CPEB4: variants seen among roughly 807,000 people sequenced by gnomAD.
The protein encoded by CPEB4 is cytoplasmic polyadenylation element-binding protein 4.
CPEB4 carries 12 observed loss-of-function variants against 72.5 expected under a neutral mutation model. The observed-to-expected ratio is 0.17, with a 90% CI of 0.11 to 0.27. The LOEUF (loss-of-function observed/expected upper bound fraction) is 0.27. Among genes scored for constraint, CPEB4 ranks in the 10% least tolerant of loss-of-function variants. The pLI is 1.00. For synonymous variants in CPEB4, 302 were observed against 326.3 expected, an observed-to-expected ratio of 0.93 and a Z score of 0.80; for missense variants, 614 against 908.5, an observed-to-expected ratio of 0.68 and a Z score of 4.17.
chr5:173,929,721 T>C (rs1757373013), intron 2 of CPEB4, among the ~76,000 whole-genome samples: 1 of 152,000 alleles, frequency 6.6e-6, no homozygotes, highest in Non-Finnish European at 1.5e-5. Context: ...ATAATAATAA[T>C]AGTCCTTCCT....
chr5:173,894,665 T>C (rs2113123521), intron 1 of CPEB4, among the ~76,000 whole-genome samples: 1 of 151,468 alleles, frequency 6.6e-6, no homozygotes, highest in East Asian at 1.9e-4. Context: ...GTGTTCTAAA[T>C]GTTTTACATG....
At chr5:173,937,991 A>G (rs1757689393) in intron 3 of CPEB4, among the ~76,000 whole-genome samples, 1 of 152,232 alleles carries the variant, frequency 6.6e-6, no homozygotes, top group African/African-American at 2.4e-5. Flanking sequence ...TTAATTTATA[A>G]AATCATTTAA....
chr5:173,951,468 T>C (rs1243360684), intron 7 of CPEB4, among the ~76,000 whole-genome samples: 2 of 152,218 alleles, frequency 1.3e-5, no homozygotes, highest in Non-Finnish European at 2.9e-5. Flanking sequence ...TGTATATTGA[T>C]TGGCATTGGA....
chr5:173,895,890 C>G (rs959294117), intron 1 of CPEB4, among the ~76,000 whole-genome samples: 5 of 152,192 alleles, frequency 3.3e-5, no homozygotes, highest in Admixed American at 3.3e-4. Flanking sequence ...ATGATCAGCA[C>G]ATTGTTCCAA....
chr5:173,944,081 T>TA (rs1219108375), intron 4 of CPEB4, among the ~76,000 whole-genome samples: 1 of 152,220 alleles, frequency 6.6e-6, no homozygotes, highest in Non-Finnish European at 1.5e-5. Context: ...TTCCTGCATA[T>TA]ATATTCTGGA....
intron 1 of CPEB4, among the ~76,000 whole-genome samples, chr5:173,891,078 G>T (rs1332930580): frequency 1.3e-5 from 2 of 150,908 alleles, no homozygotes; most frequent in Non-Finnish European, 3.0e-5. Flanking sequence ...TCTTGTCATA[G>T]ATAATTATGA....
chr5:173,901,853 C>T (rs1756246651), intron 1 of CPEB4, among the ~76,000 whole-genome samples: 1 of 152,174 alleles, frequency 6.6e-6, no homozygotes, highest in South Asian at 2.1e-4. Context: ...CGGCATGCTA[C>T]AAGCTGTGGA....
At position 173,917,158 on chromosome 5, in the gene CPEB4, A is replaced by G. The variant is rs139439398; in HGVS notation, c.1207+6554A>G. Among the ~76,000 whole-genome samples, 1,002 of 152,322 alleles carry G rather than the reference A, an allele frequency of 6.6e-3. 5 individuals are homozygous for G. The highest frequency in any genetic ancestry group is 0.01 in the Non-Finnish European group (709 of 68,026). Reference sequence around the variant, plus strand: ...CACTTATTTATTTCATATGTTATAAATTTGAAGTAATTTGGGAATAAATAA... The same window carrying G: ...CACTTATTTATTTCATATGTTATAAGTTTGAAGTAATTTGGGAATAAATAA... On this transcript the variant is annotated intron_variant, in intron 2 of 9. Transcript: ENST00000265085.
At position 173,890,224 on chromosome 5, in the gene CPEB4, C is replaced by G. The variant is rs1359421493; in HGVS notation, c.491C>G (p.Ser164Cys). The change falls in exon 1 of 10, where the codon TCT becomes TGT. Residue 164 changes from serine (S) to cysteine (C), a missense_variant. By Grantham distance (112) the Ser-to-Cys change is moderately radical. Coordinates refer to ENST00000265085, the MANE Select transcript of CPEB4 (RefSeq NM_030627.4). The stretch of plus-strand genomic sequence containing the variant: ...CAACCCTTGACATCTAGCGCATCGT[C>G]TCTTACTGGTTTCAGTAACTGGTCA... The part of the protein sequence containing the change: ...STQPLTSSAS[S>C]LTGFSNWSAA... The G allele has an allele frequency of 6.2e-7, 1 of 1,614,026 alleles. No homozygotes were observed. Among genetic ancestry groups the G allele is most frequent in the Non-Finnish European group, 8.5e-7 (1 of 1,180,014 alleles).
In CPEB4 at chr5:173,890,094, G is replaced by C; in HGVS notation, c.361G>C (p.Asp121His). Residue 121 changes from aspartate to histidine, a missense_variant, in exon 1 of 10, where the codon GAC becomes CAC. By Grantham distance (81) the Asp-to-His change is moderately conservative (BLOSUM62 -1). Coordinates refer to ENST00000265085, the MANE Select transcript of CPEB4 (RefSeq NM_030627.4). ...EKAKSEENQG[D>H]NSSENGNGKE... ...GGCAAAATCAGAAGAAAATCAAGGG[G>C]ACAATTCTTCGGAAAATGGCAATGG... is the stretch of plus-strand genomic sequence containing the variant. 6.2e-7 allele frequency: 1 copy of C among 1,614,122 alleles called. No individual in the cohort carries two copies. Among genetic ancestry groups the C allele is most frequent in the South Asian group, 1.1e-5 (1 of 91,076 alleles).
At chr5:173,940,410 T>C (rs547070919) in intron 3 of CPEB4, among the ~76,000 whole-genome samples, 1 of 152,232 alleles carries the variant, frequency 6.6e-6, no homozygotes, top group Non-Finnish European at 1.5e-5. Flanking sequence ...AGTCATGAGA[T>C]TGGAAATCTG....
intron 2 of CPEB4, among the ~76,000 whole-genome samples, chr5:173,915,740 G>T (rs1381521247): frequency 6.6e-6 from 1 of 152,158 alleles, no homozygotes; most frequent in African/African-American, 2.4e-5. Flanking sequence ...GTATCTTATT[G>T]TTATGCATGT....
At chr5:173,938,538 T>G (rs941173419) in intron 3 of CPEB4, among the ~76,000 whole-genome samples, 2 of 152,214 alleles carry the variant, frequency 1.3e-5, no homozygotes, top group African/African-American at 2.4e-5. Flanking sequence ...AAGAAGCCAG[T>G]TATCTGATAA....
At chr5:173,904,775 G>C (rs1219802599) in intron 1 of CPEB4, among the ~76,000 whole-genome samples, 4 of 151,932 alleles carry the variant, frequency 2.6e-5, no homozygotes, top group African/African-American at 4.8e-5. Context: ...GTAGTAAATT[G>C]TGTAAGTTTT....
At position 173,959,058 on chromosome 5, in the gene CPEB4, A is replaced by G. The variant is rs1758465139; in HGVS notation, c.*2921A>G. On this transcript the variant is annotated 3_prime_UTR_variant, in exon 10 of 10. Transcript: ENST00000265085. Reference sequence around the variant, plus strand: ...ATGATTATCTATTACTCTGAACTTTATGATTACATGTTCTTCAGATTACAT... The same window carrying G: ...ATGATTATCTATTACTCTGAACTTTGTGATTACATGTTCTTCAGATTACAT... 1 of 152,780 alleles carries G rather than the reference A, an allele frequency of 6.5e-6. No individual in the cohort carries two copies. Among genetic ancestry groups the G allele is most frequent in the African/African-American group, 2.4e-5 (1 of 41,460 alleles). The allele number at this position is 152,780 out of a possible 1,614,324, so 9.5% of individuals were successfully genotyped here. A position where few individuals can be genotyped will look rare whatever the true frequency, so the allele number is the denominator to read the frequency against.
At chr5:173,923,351 AAGT>A (rs1468471941) in intron 2 of CPEB4, among the ~76,000 whole-genome samples, 18 of 152,310 alleles carry the variant, frequency 1.2e-4, no homozygotes, top group African/African-American at 4.1e-4. Flanking sequence ...AGTCAGAGAA[AAGT>A]CTAATTAGAT....
In CPEB4 at chr5:173,889,587, G is replaced by T; in HGVS notation, c.-147G>T. ...GAATTCCAAATCAGAACAATTTAAG[G>T]TGATAAGCTGCGATCTTTGAGCTAG... On this transcript the variant is annotated 5_prime_UTR_variant, in exon 1 of 10. Coordinates refer to ENST00000265085, the MANE Select transcript of CPEB4 (RefSeq NM_030627.4). The T allele has an allele frequency of 1.5e-6, 1 of 657,368 alleles. No homozygotes were observed. The highest frequency in any genetic ancestry group is 2.6e-6 in the Non-Finnish European group (1 of 384,098). 40.7% of individuals were successfully genotyped at this position (657,368 alleles called of 1,614,324 possible).
At chr5:173,902,711 T>C (rs1464384795) in intron 1 of CPEB4, among the ~76,000 whole-genome samples, 2 of 152,250 alleles carry the variant, frequency 1.3e-5, no homozygotes, top group African/African-American at 2.4e-5. Flanking sequence ...TGCAGGTTTC[T>C]AATCATGGGG....
Position 173,949,581 on chromosome 5 carries a change from C to A in CPEB4, c.1530C>A (p.Ser510=). The A allele has an allele frequency of 6.2e-7, 1 of 1,611,006 alleles. No homozygotes were observed. The change falls in exon 6 of 10, where the codon TCC becomes TCA. Residue 510 remains serine, a synonymous_variant. Coordinates refer to ENST00000265085, the MANE Select transcript of CPEB4 (RefSeq NM_030627.4). ...VDWPHKAESK[S]YFPPKGYAFL... ...GGCCTCATAAAGCTGAGAGCAAATC[C>A]TATTTTCCTCCTAAAGGTAATTCTC...
Sources: gnomAD v4.1 joint callset for allele counts (sites outside exome capture counted in the v4.1 genomes callset) on GRCh38, gnomAD v4.1.1 for gene constraint, MANE v1.5 for transcripts, NCBI Gene and HGNC (gene_info 2026-07-23, HGNC 2026-07-21) for gene names.